The following CPA1 variants were observed in gnomAD, a reference collection of about 807,000 sequenced individuals.
CPA1 encodes carboxypeptidase A1.
CPA1 carries 42 observed loss-of-function variants against 48.7 expected under a neutral mutation model. The ratio of observed to expected loss-of-function variants is 0.86; its 90% CI spans 0.67 to 1.11. CPA1 has a LOEUF of 1.11. CPA1 is among the 50% of genes most tolerant of loss of function. The pLI, the probability that CPA1 is intolerant of heterozygous loss-of-function variation, is 0.00. For missense variants in CPA1, 477 were observed against 544.7 expected (o/e 0.88, Z 1.24); for synonymous variants, 203 against 217.9 (o/e 0.93, Z 0.60).
In CPA1 at chr7:130,381,704, G is replaced by A. The variant is rs781880789; in HGVS notation, c.222G>A (p.Ala74=). 5 of 1,614,108 alleles carry A rather than the reference G, an allele frequency of 3.1e-6. No homozygotes were observed. The South Asian group carries it at 3.3e-5, about 11-fold the overall frequency. The part of the protein sequence containing the change: ...DVRVPFPSIQ[A]VKIFLESHGI... ...GAGTGCCCTTCCCCAGCATCCAGGC[G>A]GTCAAGATCTTTCTGGAGTCCCACG... is the stretch of plus-strand genomic sequence containing the variant. The change falls in exon 3 of 10, where the codon GCG becomes GCA. Residue 74 remains alanine, a synonymous_variant. Transcript: ENST00000011292.
chr7:130,385,787 C>T, intron 8 of CPA1, 52 bp from the exon 9 acceptor site: 1 of 1,477,428 alleles, frequency 6.8e-7, no homozygotes, highest in Non-Finnish European at 9.4e-7. Flanking sequence ...CCTGGACATG[C>T]TGTTCCAGGA....
At chr7:130,386,850 G>C (rs1554412102) in intron 9 of CPA1, among the ~76,000 whole-genome samples, 1 of 152,196 alleles carries the variant, frequency 6.6e-6, no homozygotes, top group Admixed American at 6.5e-5. Context: ...AACTAGACCA[G>C]GTGAGGTGAA....
chr7:130,381,684 C>G lies in CPA1; in HGVS notation c.202C>G (p.Pro68Ala). The stretch of plus-strand genomic sequence containing the variant: ...TGGCTCCCCCATCGACGTCCGAGTG[C>G]CCTTCCCCAGCATCCAGGCGGTCAA... ...HPGSPIDVRV[P>A]FPSIQAVKIF... The change falls in exon 3 of 10, where the codon CCC becomes GCC. Residue 68 changes from proline (P) to alanine (A), a missense_variant. Physicochemically the swap from Pro to Ala is conservative, Grantham distance 27. Transcript: ENST00000011292. 1 of 1,614,104 alleles carries G rather than the reference C, an allele frequency of 6.2e-7. No individual in the cohort carries two copies. The highest frequency in any genetic ancestry group is 8.5e-7 in the Non-Finnish European group (1 of 1,180,006).
At chr7:130,383,565 C>T (rs1404088627) in intron 5 of CPA1, 73 bp downstream of exon 5, 72 of 1,446,490 alleles carry the variant, frequency 5.0e-5, no homozygotes, top group Non-Finnish European at 6.4e-5. Flanking sequence ...AAGCCCGGGC[C>T]TCCCTTTGCC....
At position 130,381,704 on chromosome 7, in the gene CPA1, G is replaced by T. The variant is rs781880789; in HGVS notation, c.222G>T (p.Ala74=). 5.0e-6 allele frequency: 8 copies of T among 1,613,990 alleles called. No homozygotes were observed. The Admixed American group carries it at 8.3e-5, about 17-fold the overall frequency. Residue 74 remains alanine, a synonymous_variant, in exon 3 of 10, where the codon GCG becomes GCT. Coordinates refer to ENST00000011292, the MANE Select transcript of CPA1 (RefSeq NM_001868.4). The stretch of plus-strand genomic sequence containing the variant: ...GAGTGCCCTTCCCCAGCATCCAGGC[G>T]GTCAAGATCTTTCTGGAGTCCCACG... ...DVRVPFPSIQ[A]VKIFLESHGI... is the part of the protein sequence containing the mutation.
rs1796397131 is a variant in CPA1 at position 130,381,101 on chromosome 7, T to C, written c.69T>C (p.His23=). Residue 23 remains histidine (H), a synonymous_variant, in exon 2 of 10, where the codon CAT becomes CAC. Transcript: ENST00000011292. The part of the protein sequence containing the change: ...AVFGKEDFVG[H]QVLRISVADE... Reference sequence around the variant, plus strand: ...TCCCCACTCCCACTCTGCCCAGGCATCAGGTGCTCCGAATCTCTGTAGCCG... The same window carrying C: ...TCCCCACTCCCACTCTGCCCAGGCACCAGGTGCTCCGAATCTCTGTAGCCG... 1.2e-6 allele frequency: 2 copies of C among 1,613,010 alleles called. No individual in the cohort carries two copies. Among genetic ancestry groups the C allele is most frequent in the South Asian group, 2.2e-5 (2 of 90,888 alleles).
chr7:130,386,265 G>A (rs1241086193), intron 9 of CPA1, among the ~76,000 whole-genome samples: 1 of 152,036 alleles, frequency 6.6e-6, no homozygotes, highest in African/African-American at 2.4e-5. Context: ...GGGCACCGTG[G>A]CTCATGCTTG....
intron 3 of CPA1, 53 bp from the exon 4 acceptor site, chr7:130,382,055 A>G: frequency 2.1e-6 from 3 of 1,457,322 alleles, no homozygotes. Context: ...TAAGGGAAGC[A>G]TCTGGGTGCC....
intron 1 of CPA1, 91 bp from the exon 2 acceptor site, chr7:130,381,007 T>C: frequency 9.7e-7 from 1 of 1,027,994 alleles, no homozygotes; most frequent in East Asian, 2.5e-5. Flanking sequence ...CTGGGGATTC[T>C]GGGCTGCTGC....
In CPA1 at chr7:130,385,174, G is replaced by A. The variant is rs34843162; in HGVS notation, c.816G>A (p.Ser272=). The A allele has an allele frequency of 4.4e-4, 715 of 1,614,178 alleles. 4 individuals are homozygous for A. In the African/African-American group the frequency reaches 7.7e-3, roughly 17 times the overall value. Residue 272 remains serine (S), a synonymous_variant, in exon 8 of 10, where the codon TCG becomes TCA. Coordinates refer to ENST00000011292, the MANE Select transcript of CPA1 (RefSeq NM_001868.4). ...CCGGAGCCAGCAGTAACCCCTGCTC[G>A]GAGACTTACCACGGCAAGTTTGCCA... is the stretch of plus-strand genomic sequence containing the variant. The part of the protein sequence containing the change: ...GLSGASSNPC[S]ETYHGKFANS...
rs782391064 is a variant in CPA1, at chr7:130,383,808, C to A, written c.696+14C>A. On this transcript the variant is annotated intron_variant, in intron 6 of 9. Coordinates refer to ENST00000011292, the MANE Select transcript of CPA1 (RefSeq NM_001868.4). ...ACGCACAGCACGGTACCGGCCTTCT[C>A]CTGTCCTTGGGGGAAGCAGGATGGG... 11 of 1,583,820 alleles carry A rather than the reference C, an allele frequency of 6.9e-6. No individual in the cohort carries two copies. Among genetic ancestry groups the A allele is most frequent in the Non-Finnish European group, 8.7e-6 (10 of 1,154,610 alleles).
chr7:130,385,896 A>C lies in CPA1; in HGVS notation c.1045A>C (p.Asn349His). ...ALASLYGTKF[N>H]YGSIIKAIYQ... ...GGCCTCTCTCTACGGGACCAAGTTC[A>C]ACTATGGCAGCATCATCAAGGCAAT... Residue 349 changes from asparagine (N) to histidine (H), a missense_variant, in exon 9 of 10, where the codon AAC (asparagine) becomes CAC (histidine). By Grantham distance (68) the Asn-to-His change is moderately conservative (BLOSUM62 1). Transcript: ENST00000011292. 6.2e-7 allele frequency: 1 copy of C among 1,614,116 alleles called. No individual in the cohort carries two copies. The highest frequency in any genetic ancestry group is 1.1e-5 in the South Asian group (1 of 91,064).
chr7:130,381,953 T>G (rs1273245926), intron 3 of CPA1, 90 bp downstream of exon 3: 1 of 1,306,978 alleles, frequency 7.7e-7, no homozygotes, highest in Non-Finnish European at 1.1e-6. Flanking sequence ...AGGGCCAGCC[T>G]GGGTGTGCGC....
chr7:130,388,072 GTT>G lies in CPA1; in HGVS notation c.*63_*64del. On this transcript the variant is annotated 3_prime_UTR_variant, in exon 10 of 10. Coordinates refer to ENST00000011292, the MANE Select transcript of CPA1 (RefSeq NM_001868.4). ...GGCCCCATCCAGGCAACCAAATAAA[GTT>G]TGAGTGTACCAGGAACAGAATCCTG... is the stretch of plus-strand genomic sequence containing the variant. 6.5e-7 allele frequency: 1 copy of G among 1,530,858 alleles called. No individual in the cohort carries two copies. The highest frequency in any genetic ancestry group is 2.3e-5 in the East Asian group (1 of 44,444). The allele number at this position is 1,530,858 out of a possible 1,614,324, so 94.8% of individuals were successfully genotyped here. A position where few individuals can be genotyped will look rare whatever the true frequency, so the allele number is the denominator to read the frequency against.
Position 130,382,088 on chromosome 7 carries a change from T to G in CPA1, c.382-20T>G, listed in dbSNP as rs933685493. ...GCCCAGAAGCTATTAAGGCCAGTGG[T>G]CTCTTCTTTCACACCTCAGATCTAT... On this transcript the variant is annotated intron_variant, in intron 3 of 9. Transcript: ENST00000011292. 3 of 1,602,670 alleles carry G rather than the reference T, an allele frequency of 1.9e-6. No homozygotes were observed. The highest frequency in any genetic ancestry group is 2.6e-6 in the Non-Finnish European group (3 of 1,170,044).
intron 1 of CPA1, 48 bp from the exon 2 acceptor site, chr7:130,381,050 A>C (rs782736982): frequency 1.1e-5 from 16 of 1,500,592 alleles, no homozygotes; most frequent in Non-Finnish European, 1.4e-5. Flanking sequence ...GCTTGTGGCC[A>C]GGGCAGGTGC....
chr7:130,383,691 A>T lies in CPA1; in HGVS notation c.593A>T (p.Gln198Leu). 1 of 1,613,584 alleles carries T rather than the reference A, an allele frequency of 6.2e-7. No homozygotes were observed. The highest frequency in any genetic ancestry group is 1.7e-5 in the Admixed American group (1 of 60,030). The change falls in exon 6 of 10, where the codon CAA becomes CTA. Residue 198 changes from glutamine (Q) to leucine (L), a missense_variant. Coordinates refer to ENST00000011292, the MANE Select transcript of CPA1 (RefSeq NM_001868.4). ...GCTCCTCTAACCCCCCAGATCACTC[A>T]AGACTACGGGCAGGATGCAGCTTTC... ...SGVWFAKKIT[Q>L]DYGQDAAFTA...
chr7:130,385,260 C>T lies in CPA1; in HGVS notation c.902C>T (p.Ala301Val). ...DFVKDHGNIK[A>V]FISIHSYSQL... ...GTGAAGGACCATGGGAACATCAAGGCCTTCATCTCCATCCACAGCTACTCC... is the reference window on the plus strand; with the variant it reads ...GTGAAGGACCATGGGAACATCAAGGTCTTCATCTCCATCCACAGCTACTCC... The change falls in exon 8 of 10, where the codon GCC becomes GTC. Residue 301 changes from alanine to valine, a missense_variant. Physicochemically the swap from Ala to Val is moderately conservative, Grantham distance 64. Coordinates refer to ENST00000011292, the MANE Select transcript of CPA1 (RefSeq NM_001868.4). The T allele has an allele frequency of 6.2e-7, 1 of 1,614,204 alleles. No individual in the cohort carries two copies. Among genetic ancestry groups the T allele is most frequent in the South Asian group, 1.1e-5 (1 of 91,078 alleles).
At chr7:130,380,747 G>A in intron 1 of CPA1, 162 bp downstream of exon 1, 3 of 485,460 alleles carry the variant, frequency 6.2e-6, no homozygotes, top group Non-Finnish European at 1.1e-5. Context: ...GGGTTGGGAA[G>A]AGGTTGTGTC....
Sources: gnomAD v4.1 joint callset for allele counts (sites outside exome capture counted in the v4.1 genomes callset) on GRCh38, gnomAD v4.1.1 for gene constraint, MANE v1.5 for transcripts, NCBI Gene and HGNC (gene_info 2026-07-23, HGNC 2026-07-21) for gene names.